The following TMOD2 variants were observed in gnomAD, a reference collection of about 807,000 sequenced individuals.
TMOD2 encodes the protein tropomodulin-2.
Under a neutral mutation model 39.9 loss-of-function variants are expected in TMOD2, and 22 were observed. That is an observed-to-expected ratio of 0.55 (90% confidence interval 0.39 to 0.79). TMOD2 has a LOEUF of 0.79. Ranked by LOEUF, TMOD2 falls within the 30% of genes least tolerant of loss-of-function variation. The pLI, the probability that TMOD2 is intolerant of heterozygous loss-of-function variation, is 0.00. For synonymous variants in TMOD2, 123 were observed against 146.1 expected (o/e 0.84, Z 1.14); for missense variants, 386 against 413.3 (o/e 0.93, Z 0.57).
chr15:51,771,354 T>C (rs1202762255), intron 3 of TMOD2, among the ~76,000 whole-genome samples: 1 of 152,256 alleles, frequency 6.6e-6, no homozygotes, highest in Admixed American at 6.5e-5. Context: ...CACTATGTGC[T>C]GGCACACCTC....
chr15:51,756,117 G>C (rs947377053), intron 1 of TMOD2, among the ~76,000 whole-genome samples: 13 of 152,148 alleles, frequency 8.5e-5, no homozygotes, highest in Non-Finnish European at 1.6e-4. Context: ...GACAACAGCG[G>C]GAAATAGGAC....
At chr15:51,757,556 A>G (rs1467134200) in intron 1 of TMOD2, among the ~76,000 whole-genome samples, 1 of 152,150 alleles carries the variant, frequency 6.6e-6, no homozygotes, top group Admixed American at 6.5e-5. Context: ...TGGCTCCTGT[A>G]CTTGCCCACC....
chr15:51,758,116 C>T (rs1322767295), intron 1 of TMOD2, among the ~76,000 whole-genome samples: 1 of 151,646 alleles, frequency 6.6e-6, no homozygotes, highest in Non-Finnish European at 1.5e-5. Flanking sequence ...ACTAGCTTTT[C>T]CCCAAATCTT....
intron 8 of TMOD2, among the ~76,000 whole-genome samples, chr15:51,801,237 T>TCTCTCTCACACACA (rs1491214017): frequency 9.8e-6 from 1 of 102,106 alleles, no homozygotes; most frequent in African/African-American, 4.0e-5. Flanking sequence ...TCTCTCTCTC[T>TCTCTCTCACACACA]CACACACACA....
chr15:51,767,258 T>G (rs968093045), intron 2 of TMOD2: 3 of 152,206 alleles, frequency 2.0e-5, no homozygotes, highest in African/African-American at 7.2e-5. Flanking sequence ...ATTCCTGACC[T>G]CAGGTGATCT....
At chr15:51,772,528 T>C (rs145237308) in intron 3 of TMOD2, among the ~76,000 whole-genome samples, 41 of 152,224 alleles carry the variant, frequency 2.7e-4, no homozygotes, top group African/African-American at 9.4e-4. Context: ...AGTTAGGGAA[T>C]AGATATCAGC....
At chr15:51,751,920 G>C (rs1418633127) in intron 1 of TMOD2, among the ~76,000 whole-genome samples, 1 of 149,672 alleles carries the variant, frequency 6.7e-6, no homozygotes, top group East Asian at 2.0e-4. Context: ...ACCAGGCGCT[G>C]CGCCCGGGCG....
chr15:51,805,326 CA>C (rs1364276107), intron 8 of TMOD2, among the ~76,000 whole-genome samples: 1 of 151,850 alleles, frequency 6.6e-6, no homozygotes, highest in Non-Finnish European at 1.5e-5. Flanking sequence ...ATGTCTCAAA[CA>C]AAAAAACCTC....
chr15:51,790,633 G>A (rs141179836), intron 7 of TMOD2, among the ~76,000 whole-genome samples: 4,632 of 152,252 alleles, frequency 0.03, 89 homozygotes, highest in Admixed American at 0.046. Context: ...GAATCCAGCA[G>A]CACATCAAAA....
At chr15:51,773,959 A>G in intron 4 of TMOD2, 125 bp downstream of exon 4, 1 of 1,098,492 alleles carries the variant, frequency 9.1e-7, no homozygotes, top group South Asian at 1.7e-5. Context: ...ACAAGGCATT[A>G]TGGAGCTGTA....
At position 51,766,396 on chromosome 15, in the gene TMOD2, G is replaced by T; in HGVS notation, c.-46G>T. On this transcript the variant is annotated 5_prime_UTR_variant, in exon 2 of 10. Transcript: ENST00000249700. ...AGTATTCTGAAGTCTCAGGAAACTG[G>T]ACCATTTAAATGTGCATGGCCCATG... 1 of 1,567,488 alleles carries T rather than the reference G, an allele frequency of 6.4e-7. No homozygotes were observed. Among genetic ancestry groups the T allele is most frequent in the South Asian group, 1.2e-5 (1 of 84,506 alleles).
At chr15:51,783,309 C>G (rs999962404) in intron 7 of TMOD2, 1 of 156,030 alleles carries the variant, frequency 6.4e-6, no homozygotes, top group Non-Finnish European at 1.4e-5. Context: ...TGGTGAAACC[C>G]CATCTCTACT....
At chr15:51,760,419 C>G (rs559857576) in intron 1 of TMOD2, among the ~76,000 whole-genome samples, 1 of 152,346 alleles carries the variant, frequency 6.6e-6, no homozygotes, top group Non-Finnish European at 1.5e-5. Flanking sequence ...TTGCATGACA[C>G]TGACTCTTCT....
intron 2 of TMOD2, chr15:51,767,081 C>G (rs2055821340): frequency 1.3e-5 from 2 of 151,926 alleles, no homozygotes; most frequent in Admixed American, 6.6e-5. Flanking sequence ...GCTGGAGTGC[C>G]GTGGCAAGAT....
chr15:51,769,298 T>G (rs1032989268), intron 3 of TMOD2, among the ~76,000 whole-genome samples: 3 of 152,190 alleles, frequency 2.0e-5, no homozygotes, highest in African/African-American at 7.2e-5. Context: ...CAGAAGTCCC[T>G]CAAGGCCTTC....
In TMOD2 at chr15:51,764,829, T is replaced by C. The variant is rs530842776; in HGVS notation, c.-69-1544T>C. 4.6e-5 allele frequency among the ~76,000 whole-genome samples: 7 copies of C among 152,300 alleles called. No individual in the cohort carries two copies. The South Asian group carries it at 1.4e-3, about 32-fold the overall frequency. ...ACCTTATGACCTCCTCCTTCAATGT[T>C]CAAACACAGCCTCTTTTTCACAGTT... On this transcript the variant is annotated intron_variant, in intron 1 of 9. Transcript: ENST00000249700.
chr15:51,759,703 C>G (rs1473055708), intron 1 of TMOD2, among the ~76,000 whole-genome samples: 1 of 152,182 alleles, frequency 6.6e-6, no homozygotes, highest in Non-Finnish European at 1.5e-5. Flanking sequence ...GAATAGAGAA[C>G]AGCATTCCAA....
chr15:51,766,706 T>A (rs2055818650), intron 2 of TMOD2, 139 bp downstream of exon 2: 1 of 900,438 alleles, frequency 1.1e-6, no homozygotes, highest in East Asian at 2.5e-5. Context: ...CTGGGTCACC[T>A]GTGTTTACAA....
In TMOD2 at chr15:51,798,193, T is replaced by A. The variant is rs577356878; in HGVS notation, c.733-4T>A. On this transcript the variant is annotated splice_region_variant and splice_polypyrimidine_tract_variant and intron_variant, in intron 7 of 9. Coordinates refer to ENST00000249700, the MANE Select transcript of TMOD2 (RefSeq NM_014548.4). ...CTAAGTTTTTTTTCTTTTTGCATCA[T>A]AAGGCTTTTGCAGACATGCTGAAAG... is the stretch of plus-strand genomic sequence containing the variant. The A allele has an allele frequency of 1.9e-6, 3 of 1,583,080 alleles. No individual in the cohort carries two copies. In the East Asian group the frequency reaches 6.8e-5, roughly 36 times the overall value.
Sources: gnomAD v4.1 joint callset for allele counts (sites outside exome capture counted in the v4.1 genomes callset) on GRCh38, gnomAD v4.1.1 for gene constraint, MANE v1.5 for transcripts, NCBI Gene and HGNC (gene_info 2026-07-23, HGNC 2026-07-21) for gene names.